Variants in CPQ observed in about 807,000 individuals in gnomAD.
The protein encoded by CPQ is carboxypeptidase Q, also known as Ser-Met dipeptidase.
Under a neutral mutation model 45.7 loss-of-function variants are expected in CPQ, and 37 were observed. That is an observed-to-expected ratio of 0.81 (90% CI 0.62 to 1.07). The LOEUF (loss-of-function observed/expected upper bound fraction) is 1.07. Ranked by LOEUF, CPQ falls within the 50% of genes least tolerant of loss-of-function variation. The pLI, the probability that CPQ is intolerant of heterozygous loss-of-function variation, is 0.00. For missense variants in CPQ, 537 were observed against 572.9 expected (o/e 0.94, Z 0.64); for synonymous variants, 186 against 205.8 (o/e 0.90, Z 0.82).
chr8:96,712,610 T>G (rs1809626215), intron 1 of CPQ, among the ~76,000 whole-genome samples: 1 of 152,222 alleles, frequency 6.6e-6, no homozygotes, highest in African/African-American at 2.4e-5. Flanking sequence ...CAGCCTGAGC[T>G]GTACTTAGCC....
chr8:96,800,343 G>A (rs968509569), intron 2 of CPQ, among the ~76,000 whole-genome samples: 1 of 152,192 alleles, frequency 6.6e-6, no homozygotes, highest in African/African-American at 2.4e-5. Context: ...AAATGTGTTG[G>A]CAGGGCTGTG....
intron 4 of CPQ, among the ~76,000 whole-genome samples, chr8:96,958,245 A>G (rs1813390507): frequency 6.6e-6 from 1 of 152,120 alleles, no homozygotes; most frequent in African/African-American, 2.4e-5. Flanking sequence ...GCACTGTACC[A>G]TGCTTGGATT....
At chr8:96,982,954 A>C (rs1193320216) in intron 5 of CPQ, among the ~76,000 whole-genome samples, 1 of 152,208 alleles carries the variant, frequency 6.6e-6, no homozygotes, top group African/African-American at 2.4e-5. Context: ...AATAACATTG[A>C]ATATCCTCCA....
At chr8:96,942,076 T>C (rs2130324561) in intron 4 of CPQ, among the ~76,000 whole-genome samples, 1 of 152,282 alleles carries the variant, frequency 6.6e-6, no homozygotes, top group East Asian at 1.9e-4. Context: ...TTTGGCAATA[T>C]CTAAATAACT....
intron 5 of CPQ, among the ~76,000 whole-genome samples, chr8:97,025,470 C>A (rs1809782761): frequency 6.6e-6 from 1 of 152,116 alleles, no homozygotes; most frequent in African/African-American, 2.4e-5. Context: ...TATAGGAGAA[C>A]CGACTGCCTC....
intron 4 of CPQ, among the ~76,000 whole-genome samples, chr8:96,931,978 T>C (rs897290826): frequency 1.3e-5 from 2 of 152,232 alleles, no homozygotes; most frequent in Non-Finnish European, 2.9e-5. Flanking sequence ...AGATCTTTTA[T>C]TCTAGATTTC....
intron 7 of CPQ, among the ~76,000 whole-genome samples, chr8:97,116,184 G>A (rs1027394715): frequency 1.3e-5 from 2 of 152,206 alleles, no homozygotes; most frequent in African/African-American, 4.8e-5. Context: ...AGACATCCAG[G>A]TCTCAAGAAT....
intron 1 of CPQ, among the ~76,000 whole-genome samples, chr8:96,664,274 C>G (rs1808890223): frequency 6.6e-6 from 1 of 152,142 alleles, no homozygotes; most frequent in South Asian, 2.1e-4. Flanking sequence ...GTGGGCAGTT[C>G]TTTCACTGGG....
chr8:96,652,777 C>T (rs933873032), intron 1 of CPQ, among the ~76,000 whole-genome samples: 45 of 152,030 alleles, frequency 3.0e-4, no homozygotes, highest in Middle Eastern at 6.4e-3. Context: ...GGACTACCGG[C>T]GCCCGCCACC....
rs771260509 is a variant in CPQ at position 96,879,946 on chromosome 8, C to A, written c.790C>A (p.Pro264Thr). Residue 264 changes from proline to threonine, a missense_variant, in exon 4 of 8, where the codon CCA (proline) becomes ACA (threonine). Coordinates refer to ENST00000220763, the MANE Select transcript of CPQ (RefSeq NM_016134.4). ...IQLKMGAKTYPDTDSFNTVAE... is the reference protein window; with the variant it reads ...IQLKMGAKTYTDTDSFNTVAE... ...GCTAAAGATGGGGGCAAAGACCTACCCAGATACTGATTCCTTCAACACTGT... is the reference window on the plus strand; with the variant it reads ...GCTAAAGATGGGGGCAAAGACCTACACAGATACTGATTCCTTCAACACTGT... 2.5e-6 allele frequency: 4 copies of A among 1,613,848 alleles called. No homozygotes were observed. The African/African-American group carries it at 5.3e-5, about 22-fold the overall frequency.
chr8:96,810,387 T>C (rs1353877515), intron 2 of CPQ, among the ~76,000 whole-genome samples: 2 of 152,126 alleles, frequency 1.3e-5, no homozygotes, highest in African/African-American at 4.8e-5. Context: ...ACATGTGAGA[T>C]TGTGGAAAGA....
intron 2 of CPQ, among the ~76,000 whole-genome samples, chr8:96,787,129 T>G (rs1810779196): frequency 6.6e-6 from 1 of 152,146 alleles, no homozygotes; most frequent in Non-Finnish European, 1.5e-5. Context: ...CTACTACTAC[T>G]GTAATGTATC....
At chr8:97,110,366 C>T (rs1017833906) in intron 7 of CPQ, among the ~76,000 whole-genome samples, 1 of 152,126 alleles carries the variant, frequency 6.6e-6, no homozygotes, top group East Asian at 1.9e-4. Context: ...TATCCATTTT[C>T]CTGTTAAATG....
chr8:96,827,079 C>T (rs564821486), intron 2 of CPQ, among the ~76,000 whole-genome samples: 122 of 152,110 alleles, frequency 8.0e-4, no homozygotes, highest in African/African-American at 2.8e-3. Flanking sequence ...GTATATCATG[C>T]GTATTCATAT....
chr8:97,060,691 C>A (rs1810535899), intron 6 of CPQ, among the ~76,000 whole-genome samples: 1 of 152,076 alleles, frequency 6.6e-6, no homozygotes, highest in African/African-American at 2.4e-5. Flanking sequence ...CTTCCTACAC[C>A]CTATAAACAA....
intron 1 of CPQ, among the ~76,000 whole-genome samples, chr8:96,678,620 G>A (rs2130726773): frequency 6.6e-6 from 1 of 151,898 alleles, no homozygotes; most frequent in East Asian, 1.9e-4. Flanking sequence ...CAACTAGGGT[G>A]AGCTATCTTT....
chr8:97,089,755 CCTTT>C (rs982724856), intron 7 of CPQ, among the ~76,000 whole-genome samples: 4 of 152,050 alleles, frequency 2.6e-5, no homozygotes, highest in African/African-American at 9.7e-5. Context: ...GAGTACTGAT[CCTTT>C]CTTTAATTTT....
chr8:97,055,033 T>C (rs1219357589), intron 6 of CPQ, among the ~76,000 whole-genome samples: 1 of 146,510 alleles, frequency 6.8e-6, no homozygotes, highest in Non-Finnish European at 1.5e-5. Flanking sequence ...ATAGTTACCC[T>C]CTCACAACAC....
At chr8:96,761,996 G>C (rs928747598) in intron 1 of CPQ, among the ~76,000 whole-genome samples, 2 of 152,174 alleles carry the variant, frequency 1.3e-5, no homozygotes, top group Non-Finnish European at 2.9e-5. Context: ...CTCTGTAACA[G>C]GGAAGGAGTA....
Sources: allele counts gnomAD v4.1 joint callset (sites outside exome capture counted in the v4.1 genomes callset), GRCh38; gene constraint gnomAD v4.1.1; transcripts MANE v1.5; gene names NCBI Gene and HGNC (gene_info 2026-07-23, HGNC 2026-07-21).